The following SCN8A variants were observed in gnomAD, a reference collection of about 807,000 sequenced individuals.
The protein encoded by SCN8A is sodium channel protein type 8 subunit alpha.
In SCN8A, 30 loss-of-function variants were observed where a neutral mutation model predicts 184.1. That is an observed-to-expected ratio of 0.16 (90% CI 0.12 to 0.22). The LOEUF (loss-of-function observed/expected upper bound fraction) is 0.22. SCN8A is among the 10% of genes least tolerant of loss of function. The pLI is 1.00. For missense variants in SCN8A, 1,057 were observed against 2,498.9 expected, an observed-to-expected ratio of 0.42 and a Z score of 12.30; for synonymous variants, 852 against 907.0, an observed-to-expected ratio of 0.94 and a Z score of 1.09.
chr12:51,617,756 C>T (rs1369735188), intron 1 of SCN8A, among the ~76,000 whole-genome samples: 1 of 152,102 alleles, frequency 6.6e-6, no homozygotes, highest in East Asian at 1.9e-4. Flanking sequence ...GCAGGCAATC[C>T]AGTTAGATTC....
At chr12:51,687,413 T>C (rs190996999) in intron 5 of SCN8A, among the ~76,000 whole-genome samples, 194 bp downstream of exon 5, 66 of 152,168 alleles carry the variant, frequency 4.3e-4, no homozygotes, top group South Asian at 6.2e-4. Flanking sequence ...GCGATGATAA[T>C]GTGATTATGT....
chr12:51,662,667 A>G, intron 1 of SCN8A, 97 bp from the exon 2 acceptor site: 1 of 744,264 alleles, frequency 1.3e-6, no homozygotes, highest in Non-Finnish European at 2.2e-6. Context: ...TTTTTTTTGC[A>G]AAGGTTGTGA....
At chr12:51,652,691 A>G (rs1029014740) in intron 1 of SCN8A, among the ~76,000 whole-genome samples, 8 of 152,078 alleles carry the variant, frequency 5.3e-5, no homozygotes, top group African/African-American at 1.4e-4. Flanking sequence ...TTTTCTTCCC[A>G]TAACCCACCC....
intron 11 of SCN8A, among the ~76,000 whole-genome samples, chr12:51,708,195 T>A (rs1941816092): frequency 6.6e-6 from 1 of 152,230 alleles, no homozygotes; most frequent in Non-Finnish European, 1.5e-5. Flanking sequence ...ATAATAATAA[T>A]AGGAGTCATG....
chr12:51,619,337 A>G (rs1325433072), intron 1 of SCN8A, among the ~76,000 whole-genome samples: 1 of 152,200 alleles, frequency 6.6e-6, no homozygotes, highest in East Asian at 1.9e-4. Flanking sequence ...TATTTATTCC[A>G]TTAATTTCAA....
chr12:51,774,666 T>C (rs1342915422), intron 20 of SCN8A, among the ~76,000 whole-genome samples: 2 of 152,168 alleles, frequency 1.3e-5, no homozygotes, highest in Admixed American at 6.5e-5. Context: ...GTTATTAGGC[T>C]GGGGACAGGA....
At chr12:51,799,953 T>C (rs1000654222) in intron 26 of SCN8A, among the ~76,000 whole-genome samples, 1 of 152,208 alleles carries the variant, frequency 6.6e-6, no homozygotes, top group African/African-American at 2.4e-5. Context: ...CCCAAATGTC[T>C]CACCAGTAAG....
intron 2 of SCN8A, among the ~76,000 whole-genome samples, chr12:51,664,547 C>T (rs1311079908): frequency 6.6e-6 from 1 of 151,912 alleles, no homozygotes; most frequent in Non-Finnish European, 1.5e-5. Context: ...ATGTATTGTC[C>T]AAGCTACCAC....
At chr12:51,678,379 C>G (rs965583094) in intron 2 of SCN8A, among the ~76,000 whole-genome samples, 2 of 152,204 alleles carry the variant, frequency 1.3e-5, no homozygotes, top group African/African-American at 4.8e-5. Context: ...ATAACTAACT[C>G]AAGAGAGTTC....
intron 1 of SCN8A, among the ~76,000 whole-genome samples, chr12:51,649,760 C>G (rs1226933301): frequency 6.6e-6 from 1 of 152,174 alleles, no homozygotes; most frequent in Non-Finnish European, 1.5e-5. Context: ...ATGGGAGGGG[C>G]TGCTATGAAG....
At chr12:51,681,617 T>C (rs1677975868) in intron 2 of SCN8A, among the ~76,000 whole-genome samples, 2 of 152,178 alleles carry the variant, frequency 1.3e-5, no homozygotes, top group Non-Finnish European at 2.9e-5. Context: ...TCTTTGCTTT[T>C]AGGATTAGGC....
chr12:51,720,795 G>A (rs1170772044), intron 11 of SCN8A, among the ~76,000 whole-genome samples: 4 of 152,064 alleles, frequency 2.6e-5, no homozygotes, highest in African/African-American at 9.7e-5. Context: ...GCCAGGAGCG[G>A]TGGCTTATGC....
chr12:51,652,402 C>T (rs1940735577), intron 1 of SCN8A, among the ~76,000 whole-genome samples: 1 of 152,160 alleles, frequency 6.6e-6, no homozygotes, highest in Non-Finnish European at 1.5e-5. Context: ...TCGTCTCATT[C>T]TATACACTAT....
chr12:51,692,293 A>G (rs1169849533), intron 6 of SCN8A, among the ~76,000 whole-genome samples: 2 of 152,106 alleles, frequency 1.3e-5, no homozygotes, highest in Non-Finnish European at 1.5e-5. Flanking sequence ...ACCTGGGCTG[A>G]TACTGTCCTT....
intron 2 of SCN8A, among the ~76,000 whole-genome samples, chr12:51,664,675 TA>T (rs1350754822): frequency 6.6e-6 from 1 of 152,178 alleles, no homozygotes; most frequent in Non-Finnish European, 1.5e-5. Flanking sequence ...AAATGCAAAT[TA>T]ATTTCTCATT....
intron 2 of SCN8A, among the ~76,000 whole-genome samples, chr12:51,669,020 G>C (rs1047756976): frequency 2.0e-5 from 3 of 152,162 alleles, no homozygotes; most frequent in Non-Finnish European, 4.4e-5. Context: ...CTACACACCT[G>C]TACAGCATGT....
At position 51,663,012 on chromosome 12, in the gene SCN8A, G is replaced by A. The variant is rs748136961; in HGVS notation, c.195G>A (p.Leu65=). 30 of 1,613,924 alleles carry A rather than the reference G, an allele frequency of 1.9e-5. 1 individual carries two copies. In the Admixed American group the frequency reaches 4.5e-4, roughly 24 times the overall value. ...GCGACCTGGAAGCAGGGAAGAGTTTGCCTTTCATCTACGGGGACATCCCCC... is the reference window on the plus strand; with the variant it reads ...GCGACCTGGAAGCAGGGAAGAGTTTACCTTTCATCTACGGGGACATCCCCC... ...PNSDLEAGKS[L]PFIYGDIPQG... is the part of the protein sequence containing the mutation. Residue 65 remains leucine, a synonymous_variant, in exon 2 of 27, where the codon TTG becomes TTA. Transcript: ENST00000627620.
chr12:51,719,575 T>G (rs1190799666), intron 11 of SCN8A, among the ~76,000 whole-genome samples: 1 of 91,662 alleles, frequency 1.1e-5, no homozygotes, highest in Non-Finnish European at 2.2e-5. Flanking sequence ...CTCCCTCCTG[T>G]AATCCCAGCA....
intron 11 of SCN8A, among the ~76,000 whole-genome samples, chr12:51,707,530 T>C (rs1180713982): frequency 6.6e-6 from 1 of 152,088 alleles, no homozygotes; most frequent in African/African-American, 2.4e-5. Flanking sequence ...TTCTGCCCGC[T>C]TTATTTTCAC....
Sources: allele counts gnomAD v4.1 joint callset (sites outside exome capture counted in the v4.1 genomes callset), GRCh38; gene constraint gnomAD v4.1.1; transcripts MANE v1.5; gene names NCBI Gene and HGNC (gene_info 2026-07-23, HGNC 2026-07-21).